TMEM14A: variants seen among roughly 807,000 people sequenced by gnomAD.
TMEM14A encodes the protein transmembrane protein 14A.
Under a neutral mutation model 11.6 loss-of-function variants are expected in TMEM14A, and 8 were observed. The observed-to-expected ratio is 0.69, with a 90% CI of 0.40 to 1.24. The LOEUF is 1.24. Ranked by LOEUF, TMEM14A falls within the 50% of genes most tolerant of loss-of-function variation. TMEM14A has a pLI of 0.01. For synonymous variants in TMEM14A, 34 were observed against 45.5 expected (o/e 0.75, Z 1.02); for missense variants, 108 against 121.9 (o/e 0.89, Z 0.54).
At chr6:52,672,452 T>C (rs1769179460) in intron 1 of TMEM14A, among the ~76,000 whole-genome samples, 1 of 149,882 alleles carries the variant, frequency 6.7e-6, no homozygotes, top group Non-Finnish European at 1.5e-5. Context: ...GCTTCAGATC[T>C]GTATGTAAGG....
chr6:52,678,120 C>T (rs1481362302), intron 2 of TMEM14A, among the ~76,000 whole-genome samples: 1 of 152,120 alleles, frequency 6.6e-6, no homozygotes, highest in Non-Finnish European at 1.5e-5. Context: ...ACCAAGTACT[C>T]AGAGGTTGAT....
intron 2 of TMEM14A, among the ~76,000 whole-genome samples, chr6:52,679,591 G>C (rs1309116166): frequency 6.6e-6 from 1 of 151,990 alleles, no homozygotes; most frequent in East Asian, 1.9e-4. Context: ...CCCAGGAAGT[G>C]GGAAGGAAAA....
At chr6:52,682,611 T>A (rs1486232744) in intron 3 of TMEM14A, among the ~76,000 whole-genome samples, 1 of 147,320 alleles carries the variant, frequency 6.8e-6, no homozygotes, top group African/African-American at 2.5e-5. Flanking sequence ...TTTTTTTTTT[T>A]AGTTATTTTT....
At chr6:52,685,970 A>G (rs1306976201) in intron 4 of TMEM14A, 40 bp from the exon 5 acceptor site, 1 of 1,603,504 alleles carries the variant, frequency 6.2e-7, no homozygotes, top group Admixed American at 1.7e-5. Flanking sequence ...TGCCAGATAA[A>G]AGTGACTCTC....
chr6:52,675,182 C>A (rs1243929031), intron 1 of TMEM14A, among the ~76,000 whole-genome samples: 1 of 152,096 alleles, frequency 6.6e-6, no homozygotes, highest in African/African-American at 2.4e-5. Flanking sequence ...CTCGCCTGGC[C>A]CCTTTTTATG....
chr6:52,682,065 A>G, intron 3 of TMEM14A, 151 bp downstream of exon 3: 1 of 534,490 alleles, frequency 1.9e-6, no homozygotes, highest in Non-Finnish European at 3.2e-6. Context: ...ATTCCTTTCT[A>G]GAAAGACCTG....
chr6:52,677,126 T>G lies in TMEM14A; in HGVS notation c.24T>G (p.Tyr8Ter). Residue 8 changes from tyrosine to a stop codon, truncating the protein, a stop_gained, in exon 2 of 5, where the codon TAT becomes TAG. Transcript: ENST00000211314. LOFTEE classifies it high-confidence loss of function. Reference protein sequence around the residue: MDLIGFGYAALVTFGSIF... With the variant: MDLIGFG ...CAATGGACCTGATCGGTTTTGGTTA[T>G]GCAGCCCTCGTGACATTTGGAAGCA... is the stretch of plus-strand genomic sequence containing the variant. 1 of 1,614,238 alleles carries G rather than the reference T, an allele frequency of 6.2e-7. No individual in the cohort carries two copies. The highest frequency in any genetic ancestry group is 8.5e-7 in the Non-Finnish European group (1 of 1,180,044).
At chr6:52,682,427 A>T (rs896100423) in intron 3 of TMEM14A, among the ~76,000 whole-genome samples, 7 of 152,240 alleles carry the variant, frequency 4.6e-5, no homozygotes, top group Non-Finnish European at 1.5e-5. Context: ...TCACCAGGAC[A>T]CTTGACTTTC....
chr6:52,676,494 T>C (rs1466229579), intron 1 of TMEM14A, among the ~76,000 whole-genome samples: 6 of 152,186 alleles, frequency 3.9e-5, no homozygotes, highest in Non-Finnish European at 8.8e-5. Flanking sequence ...GTTTAAGCCA[T>C]CTACCTGCCT....
chr6:52,683,493 A>C (rs1769432685), intron 3 of TMEM14A, among the ~76,000 whole-genome samples: 1 of 151,602 alleles, frequency 6.6e-6, no homozygotes, highest in African/African-American at 2.4e-5. Context: ...CAAAAAAAAA[A>C]AAAAGAAAAA....
At chr6:52,679,857 G>A (rs942846111) in intron 2 of TMEM14A, among the ~76,000 whole-genome samples, 9 of 113,518 alleles carry the variant, frequency 7.9e-5, no homozygotes, top group Non-Finnish European at 1.4e-4. Context: ...AAGTGTGCGT[G>A]TTTGGTGGTG....
chr6:52,679,302 C>T (rs1332884671), intron 2 of TMEM14A, among the ~76,000 whole-genome samples: 2 of 152,158 alleles, frequency 1.3e-5, no homozygotes, highest in Non-Finnish European at 2.9e-5. Context: ...TATGGAGGCT[C>T]TTCCTAGGCC....
chr6:52,677,605 AAG>A (rs918052540), intron 2 of TMEM14A, among the ~76,000 whole-genome samples: 51 of 151,048 alleles, frequency 3.4e-4, no homozygotes, highest in Non-Finnish European at 6.7e-4. Flanking sequence ...CTTTGTCCAA[AAG>A]AGGGGGGAAA....
chr6:52,685,986 G>A (rs1769486032), intron 4 of TMEM14A, 24 bp from the exon 5 acceptor site: 1 of 1,609,196 alleles, frequency 6.2e-7, no homozygotes, highest in African/African-American at 1.3e-5. Context: ...CTCTCCCTTT[G>A]TCTTTGTTTT....
intron 1 of TMEM14A, among the ~76,000 whole-genome samples, chr6:52,672,029 T>C (rs910153211): frequency 1.3e-5 from 2 of 152,218 alleles, no homozygotes; most frequent in African/African-American, 4.8e-5. Context: ...TTTGCCTCTT[T>C]AGAACAACAG....
intron 4 of TMEM14A, 61 bp from the exon 5 acceptor site, chr6:52,685,949 T>G: frequency 6.4e-7 from 1 of 1,566,550 alleles, no homozygotes; most frequent in Non-Finnish European, 8.7e-7. Flanking sequence ...TGCATGGCCC[T>G]TTCTGTCTTA....
intron 3 of TMEM14A, among the ~76,000 whole-genome samples, chr6:52,683,116 T>C (rs1278116984): frequency 2.0e-5 from 3 of 152,200 alleles, no homozygotes; most frequent in Non-Finnish European, 4.4e-5. Flanking sequence ...TGAATAAAGC[T>C]CAGTGCTAGC....
At chr6:52,682,976 ATT>A (rs916500171) in intron 3 of TMEM14A, among the ~76,000 whole-genome samples, 1 of 149,672 alleles carries the variant, frequency 6.7e-6, no homozygotes, top group Non-Finnish European at 1.5e-5. Context: ...TCTTTTTAGT[ATT>A]TTTTTTTTAT....
rs758417981 is a variant in TMEM14A at position 52,680,691 on chromosome 6, G to GTGTATATATATA, written c.71-1121_71-1120insGTATATATATAT. On this transcript the variant is annotated intron_variant, in intron 2 of 4. Transcript: ENST00000211314. ...TGTGTATATATATATATACATATAT[G>GTGTATATATATA]TATATATATATATACACATATATAT... Among the ~76,000 whole-genome samples the GTGTATATATATA allele has an allele frequency of 7.6e-4, 27 of 35,326 alleles. 2 individuals carry two copies. Among genetic ancestry groups the GTGTATATATATA allele is most frequent in the East Asian group, 2.1e-3 (2 of 948 alleles). 23.2% of individuals were successfully genotyped at this position (35,326 alleles called of 152,430 possible).
Sources: gnomAD v4.1 joint callset for allele counts (sites outside exome capture counted in the v4.1 genomes callset) on GRCh38, gnomAD v4.1.1 for gene constraint, MANE v1.5 for transcripts, NCBI Gene and HGNC (gene_info 2026-07-23, HGNC 2026-07-21) for gene names.